Variants in KCNT2 observed in about 807,000 individuals in gnomAD.
The protein encoded by KCNT2 is potassium sodium-activated channel subfamily T member 2.
KCNT2 carries 67 observed loss-of-function variants against 153.8 expected under a neutral mutation model. That is an observed-to-expected ratio of 0.44 (90% confidence interval 0.36 to 0.53). The LOEUF is 0.53. Among genes scored for constraint, KCNT2 ranks in the 20% least tolerant of loss-of-function variants. The probability of loss-of-function intolerance (pLI) is 0.00; values close to 1 mark genes in which losing one functional copy is unlikely to be tolerated. For missense variants in KCNT2, 975 were observed against 1,354.8 expected, an observed-to-expected ratio of 0.72 and a Z score of 4.40; for synonymous variants, 500 against 458.8, an observed-to-expected ratio of 1.09 and a Z score of -1.15.
intron 22 of KCNT2, among the ~76,000 whole-genome samples, chr1:196,286,896 T>C (rs1369868173): frequency 6.6e-6 from 1 of 152,090 alleles, no homozygotes; most frequent in East Asian, 1.9e-4. Flanking sequence ...TTCCCTTTAC[T>C]AGGAAGACTG....
intron 3 of KCNT2, among the ~76,000 whole-genome samples, chr1:196,483,629 C>T (rs147023434): frequency 1.3e-5 from 2 of 152,276 alleles, no homozygotes; most frequent in African/African-American, 4.8e-5. Context: ...CTCAGCTCAA[C>T]CCTCTGTGTT....
At chr1:196,538,735 T>TAA (rs1655945175) in intron 1 of KCNT2, among the ~76,000 whole-genome samples, 1 of 152,170 alleles carries the variant, frequency 6.6e-6, no homozygotes, top group Non-Finnish European at 1.5e-5. Flanking sequence ...TACTCCTGAC[T>TAA]AAAGCATAGC....
chr1:196,296,545 T>C (rs1660692297), intron 22 of KCNT2, among the ~76,000 whole-genome samples: 1 of 152,022 alleles, frequency 6.6e-6, no homozygotes, highest in Non-Finnish European at 1.5e-5. Context: ...GTAAACTAAT[T>C]ATTTGAACAT....
intron 14 of KCNT2, among the ~76,000 whole-genome samples, chr1:196,352,823 G>C (rs1352242345): frequency 1.3e-5 from 2 of 151,992 alleles, no homozygotes; most frequent in Admixed American, 1.3e-4. Flanking sequence ...GATCTTTCCT[G>C]CTTTCTCTTG....
At chr1:196,429,247 A>G (rs1673922613) in intron 9 of KCNT2, among the ~76,000 whole-genome samples, 1 of 151,884 alleles carries the variant, frequency 6.6e-6, no homozygotes, top group Non-Finnish European at 1.5e-5. Flanking sequence ...TCACAAATTT[A>G]TTTCTTTGAT....
chr1:196,476,411 A>C (rs1278260889), intron 5 of KCNT2, among the ~76,000 whole-genome samples: 1 of 152,142 alleles, frequency 6.6e-6, no homozygotes, highest in Non-Finnish European at 1.5e-5. Context: ...CTAGTTACCC[A>C]ATATCCAGAT....
At position 196,258,284 on chromosome 1, in the gene KCNT2, G is replaced by A. The variant is rs1315787440; in HGVS notation, c.3121C>T (p.Leu1041=). The change falls in exon 26 of 28, where the codon CTG becomes TTG. Residue 1041 remains leucine (L), a synonymous_variant. Coordinates refer to ENST00000294725, the MANE Select transcript of KCNT2 (RefSeq NM_198503.5). The part of the protein sequence containing the change: ...KTAEKITQQR[L]NLYRRSERQE... ...CTTTCTGACCTCCTGTAGAGGTTCAGTCGCTGCTGGGTTATTTTTTCAGCT... is the reference window on the plus strand; with the variant it reads ...CTTTCTGACCTCCTGTAGAGGTTCAATCGCTGCTGGGTTATTTTTTCAGCT... The A allele has an allele frequency of 1.2e-6, 2 of 1,613,948 alleles. No homozygotes were observed. The highest frequency in any genetic ancestry group is 1.3e-5 in the African/African-American group (1 of 74,914).
At position 196,423,970 on chromosome 1, in the gene KCNT2, G is replaced by T. The variant is rs556926953; in HGVS notation, c.1122-857C>A. Among the ~76,000 whole-genome samples the T allele has an allele frequency of 4.6e-5, 7 of 152,004 alleles. No individual in the cohort carries two copies. In the East Asian group the frequency reaches 1.4e-3, roughly 29 times the overall value. Reference sequence around the variant, plus strand: ...TGCATGAGGAATTGCACTGAAAAATGTATTAGTTTATATTAAATCCCAAAT... The same window carrying T: ...TGCATGAGGAATTGCACTGAAAAATTTATTAGTTTATATTAAATCCCAAAT... On this transcript the variant is annotated intron_variant, in intron 11 of 27. Coordinates refer to ENST00000294725, the MANE Select transcript of KCNT2 (RefSeq NM_198503.5).
At chr1:196,427,146 A>C (rs776303976) in intron 10 of KCNT2, among the ~76,000 whole-genome samples, 2 of 152,018 alleles carry the variant, frequency 1.3e-5, no homozygotes, top group Non-Finnish European at 2.9e-5. Flanking sequence ...AAATATAAAT[A>C]ATTAAAAAAA....
At chr1:196,468,738 G>T (rs1157214810) in intron 6 of KCNT2, among the ~76,000 whole-genome samples, 3 of 151,880 alleles carry the variant, frequency 2.0e-5, no homozygotes, top group Non-Finnish European at 4.4e-5. Context: ...AAACAACAAT[G>T]ACATTTGTCA....
At chr1:196,451,431 T>A (rs1242946481) in intron 8 of KCNT2, among the ~76,000 whole-genome samples, 24 of 55,538 alleles carry the variant, frequency 4.3e-4, no homozygotes, top group Non-Finnish European at 7.9e-4. Flanking sequence ...TTTTTTTTTT[T>A]TGGATTTTAG....
chr1:196,408,806 T>C (rs1012191241), intron 12 of KCNT2, among the ~76,000 whole-genome samples: 1 of 151,648 alleles, frequency 6.6e-6, no homozygotes, highest in African/African-American at 2.4e-5. Context: ...GATGTATCTC[T>C]GTGAATGTTT....
chr1:196,430,073 G>A (rs1249753623), intron 8 of KCNT2, among the ~76,000 whole-genome samples: 2 of 151,868 alleles, frequency 1.3e-5, no homozygotes, highest in African/African-American at 2.4e-5. Flanking sequence ...ACAAGAAATC[G>A]CTACCTCTAA....
rs750292796 is a variant in KCNT2, at chr1:196,258,416, G to C, written c.2989C>G (p.Arg997Gly). 6.2e-6 allele frequency: 10 copies of C among 1,613,336 alleles called. No homozygotes were observed. Among genetic ancestry groups the C allele is most frequent in the Non-Finnish European group, 8.5e-6 (10 of 1,179,554 alleles). Residue 997 changes from arginine (R) to glycine (G), a missense_variant, in exon 26 of 28, where the codon CGC becomes GGC. By Grantham distance (125) the Arg-to-Gly change is moderately radical. Coordinates refer to ENST00000294725, the MANE Select transcript of KCNT2 (RefSeq NM_198503.5). ...KEQGHHRSNH[R>G]NSTSSDQSDH... ...GACTGATCACTGGATGTTGAGTTGCGGTGGTTGCTGCGGTGGTGCCCTTGT... is the reference window on the plus strand; with the variant it reads ...GACTGATCACTGGATGTTGAGTTGCCGTGGTTGCTGCGGTGGTGCCCTTGT...
chr1:196,279,953 G>T (rs1658939243), intron 25 of KCNT2, among the ~76,000 whole-genome samples: 1 of 151,934 alleles, frequency 6.6e-6, no homozygotes, highest in South Asian at 2.1e-4. Context: ...AGAAATTACT[G>T]AAATGTATGT....
chr1:196,253,782 C>T (rs1311104973), intron 26 of KCNT2, among the ~76,000 whole-genome samples: 3 of 151,460 alleles, frequency 2.0e-5, no homozygotes, highest in Admixed American at 1.3e-4. Context: ...ACTATTTATA[C>T]TCAACCACTC....
At chr1:196,334,173 G>T (rs1472703887) in intron 16 of KCNT2, 113 bp from the exon 17 acceptor site, 2 of 640,350 alleles carry the variant, frequency 3.1e-6, no homozygotes, top group Non-Finnish European at 5.4e-6. Context: ...TATATAGAGA[G>T]AGTATATATT....
intron 1 of KCNT2, among the ~76,000 whole-genome samples, chr1:196,575,573 G>C (rs1298010891): frequency 6.6e-6 from 1 of 150,924 alleles, no homozygotes; most frequent in South Asian, 2.1e-4. Flanking sequence ...GGACATATGA[G>C]AGATCTAACA....
intron 22 of KCNT2, among the ~76,000 whole-genome samples, chr1:196,293,037 A>G (rs1660344965): frequency 1.3e-5 from 2 of 152,180 alleles, no homozygotes; most frequent in African/African-American, 4.8e-5. Context: ...AGCATAAAAA[A>G]AAAATACTTA....
Sources: allele counts gnomAD v4.1 joint callset (sites outside exome capture counted in the v4.1 genomes callset), GRCh38; gene constraint gnomAD v4.1.1; transcripts MANE v1.5; gene names NCBI Gene and HGNC (gene_info 2026-07-23, HGNC 2026-07-21).